Variants in KIAA1217 observed in about 807,000 individuals in gnomAD.
KIAA1217 encodes the protein sickle tail protein homolog.
In KIAA1217, 88 loss-of-function variants were observed where a neutral mutation model predicts 163.9. The ratio of observed to expected loss-of-function variants is 0.54; its 90% CI spans 0.45 to 0.64. The LOEUF is 0.64. Among genes scored for constraint, KIAA1217 ranks in the 30% least tolerant of loss-of-function variants. The probability of loss-of-function intolerance (pLI) is 0.00; values close to 1 mark genes in which losing one functional copy is unlikely to be tolerated. For synonymous variants in KIAA1217, 903 were observed against 923.1 expected, an observed-to-expected ratio of 0.98 and a Z score of 0.39; for missense variants, 2,372 against 2,475.0, an observed-to-expected ratio of 0.96 and a Z score of 0.88.
intron 2 of KIAA1217, among the ~76,000 whole-genome samples, chr10:24,123,274 T>A (rs2063351600): frequency 6.6e-6 from 1 of 152,160 alleles, no homozygotes; most frequent in African/African-American, 2.4e-5. Context: ...TTTGTAACTT[T>A]GTTTACATTC....
intron 1 of KIAA1217, among the ~76,000 whole-genome samples, chr10:23,720,735 A>G (rs1837836514): frequency 6.6e-6 from 1 of 152,210 alleles, no homozygotes; most frequent in Admixed American, 6.5e-5. Context: ...TGGAATCCCC[A>G]TATCATGGAA....
chr10:24,184,943 A>G (rs763954672), intron 2 of KIAA1217, among the ~76,000 whole-genome samples: 3 of 152,316 alleles, frequency 2.0e-5, no homozygotes, highest in Admixed American at 6.5e-5. Context: ...CTCATTACGT[A>G]TGGTATCTAA....
chr10:24,441,995 G>A (rs2060535712), intron 5 of KIAA1217, among the ~76,000 whole-genome samples: 1 of 152,112 alleles, frequency 6.6e-6, no homozygotes, highest in African/African-American at 2.4e-5. Context: ...CTTCTTGTGT[G>A]CTTTAAGACA....
At chr10:24,490,335 T>C (rs1592349741) in intron 6 of KIAA1217, among the ~76,000 whole-genome samples, 1 of 152,242 alleles carries the variant, frequency 6.6e-6, no homozygotes, top group East Asian at 1.9e-4. Context: ...ATTCTGATGA[T>C]GAGCATGAAA....
At chr10:23,910,107 C>T (rs757401361) in intron 1 of KIAA1217, among the ~76,000 whole-genome samples, 4 of 151,102 alleles carry the variant, frequency 2.6e-5, no homozygotes, top group African/African-American at 9.8e-5. Context: ...AATGAGAACA[C>T]GTGGACACAG....
intron 2 of KIAA1217, among the ~76,000 whole-genome samples, chr10:24,030,606 T>C (rs913392897): frequency 6.6e-6 from 1 of 152,136 alleles, no homozygotes; most frequent in South Asian, 2.1e-4. Context: ...ATAATCACCA[T>C]CTGTCTCTGG....
At chr10:24,160,811 G>GT (rs2065085161) in intron 2 of KIAA1217, among the ~76,000 whole-genome samples, 1 of 152,172 alleles carries the variant, frequency 6.6e-6, no homozygotes, top group Non-Finnish European at 1.5e-5. Context: ...TCAAAAATGT[G>GT]TAACAGGGAT....
At chr10:24,169,101 C>G (rs1281729628) in intron 2 of KIAA1217, among the ~76,000 whole-genome samples, 1 of 152,264 alleles carries the variant, frequency 6.6e-6, no homozygotes, top group Admixed American at 6.5e-5. Context: ...GATACAATAA[C>G]ATTTTCAAAA....
Position 23,824,658 on chromosome 10 carries a change from A to AAAAAATAT in KIAA1217, c.-321+129425_-321+129426insAAAATATA, listed in dbSNP as rs1837805755. On this transcript the variant is annotated intron_variant, in intron 1 of 18. Coordinates refer to the KIAA1217 transcript ENST00000376462. ...AAAAAAAAAAAAAAAAAATAAAAAA[A>AAAAAATAT]ATATATATATATATATATATATATG... Among the ~76,000 whole-genome samples the AAAAAATAT allele has an allele frequency of 7.5e-5, 4 of 53,054 alleles. 1 individual carries two copies. Among genetic ancestry groups the AAAAAATAT allele is most frequent in the Non-Finnish European group, 1.4e-4 (4 of 28,152 alleles). The allele number at this position is 53,054 out of a possible 152,430, so 34.8% of individuals were successfully genotyped here.
intron 1 of KIAA1217, among the ~76,000 whole-genome samples, chr10:23,891,084 G>T (rs186684864): frequency 6.6e-5 from 10 of 151,826 alleles, no homozygotes; most frequent in East Asian, 5.9e-4. Context: ...CACATGAAAA[G>T]CTTCCCAACA....
intron 2 of KIAA1217, among the ~76,000 whole-genome samples, chr10:24,186,024 C>A (rs527724712): frequency 4.6e-5 from 7 of 152,134 alleles, no homozygotes; most frequent in Admixed American, 3.3e-4. Flanking sequence ...ACTCTAATTT[C>A]TGTCTTCCCT....
chr10:23,968,548 A>C (rs1845169424), intron 1 of KIAA1217, among the ~76,000 whole-genome samples: 1 of 152,194 alleles, frequency 6.6e-6, no homozygotes, highest in South Asian at 2.1e-4. Context: ...TAGTCTATCC[A>C]CAGAGTTGTG....
intron 2 of KIAA1217, among the ~76,000 whole-genome samples, chr10:24,320,340 T>G (rs1411051221): frequency 6.6e-6 from 1 of 152,270 alleles, no homozygotes; most frequent in Non-Finnish European, 1.5e-5. Context: ...ATAACTTGTG[T>G]GCCTGATGCT....
intron 1 of KIAA1217, among the ~76,000 whole-genome samples, chr10:23,827,827 A>G (rs184536621): frequency 2.5e-4 from 38 of 152,278 alleles, no homozygotes; most frequent in Admixed American, 7.2e-4. Flanking sequence ...CAACAAGACA[A>G]AGACAAATGA....
At chr10:24,199,538 A>T (rs1483379514) in intron 2 of KIAA1217, among the ~76,000 whole-genome samples, 1 of 152,230 alleles carries the variant, frequency 6.6e-6, no homozygotes, top group Non-Finnish European at 1.5e-5. Context: ...AAATTGTTGA[A>T]GTTTGGGAAA....
chr10:24,005,929 C>T (rs1481961232), intron 1 of KIAA1217, among the ~76,000 whole-genome samples: 1 of 152,136 alleles, frequency 6.6e-6, no homozygotes, highest in Admixed American at 6.5e-5. Flanking sequence ...CTATCCTCTA[C>T]TCATCAAGAA....
intron 2 of KIAA1217, among the ~76,000 whole-genome samples, chr10:24,379,013 T>TG (rs1268915592): frequency 6.6e-6 from 1 of 152,236 alleles, no homozygotes; most frequent in East Asian, 1.9e-4. Flanking sequence ...ATCAAATGTA[T>TG]GGTTTCTGCC....
chr10:23,938,205 C>T (rs1202024328), intron 1 of KIAA1217, among the ~76,000 whole-genome samples: 1 of 152,086 alleles, frequency 6.6e-6, no homozygotes, highest in Non-Finnish European at 1.5e-5. Flanking sequence ...GTCGGTGTTT[C>T]CACCAGGCAA....
intron 1 of KIAA1217, among the ~76,000 whole-genome samples, chr10:23,929,580 T>C (rs149267033): frequency 6.6e-6 from 1 of 152,194 alleles, no homozygotes; most frequent in Non-Finnish European, 1.5e-5. Flanking sequence ...TTTCTGTTCC[T>C]GTGTTAATTT....
Sources: allele counts gnomAD v4.1 joint callset (sites outside exome capture counted in the v4.1 genomes callset), GRCh38; gene constraint gnomAD v4.1.1; transcripts MANE v1.5; gene names NCBI Gene and HGNC (gene_info 2026-07-23, HGNC 2026-07-21).